PLCXD3: variants seen among roughly 807,000 people sequenced by gnomAD.
PLCXD3 encodes the protein PI-PLC X domain-containing protein 3.
Under a neutral mutation model 25.5 loss-of-function variants are expected in PLCXD3, and 19 were observed. The observed-to-expected ratio is 0.75, with a 90% confidence interval of 0.52 to 1.09. PLCXD3 has a LOEUF of 1.09. Ranked by LOEUF, PLCXD3 falls within the 50% of genes least tolerant of loss-of-function variation. The probability of loss-of-function intolerance (pLI) is 0.00; values close to 1 mark genes in which losing one functional copy is unlikely to be tolerated. For synonymous variants in PLCXD3, 174 were observed against 137.6 expected, an observed-to-expected ratio of 1.26 and a Z score of -1.85; for missense variants, 411 against 388.1, an observed-to-expected ratio of 1.06 and a Z score of -0.50.
At chr5:41,391,574 C>A (rs1270114361) in intron 1 of PLCXD3, among the ~76,000 whole-genome samples, 8 of 152,320 alleles carry the variant, frequency 5.3e-5, no homozygotes, top group East Asian at 3.9e-4. Context: ...GGTACTACAT[C>A]AAGGGCTTTG....
intron 2 of PLCXD3, among the ~76,000 whole-genome samples, chr5:41,344,937 A>T (rs1451118757): frequency 6.6e-6 from 1 of 152,164 alleles, no homozygotes; most frequent in African/African-American, 2.4e-5. Context: ...CTTCCTTCAT[A>T]CAACTCATAA....
intron 2 of PLCXD3, among the ~76,000 whole-genome samples, chr5:41,331,775 C>T (rs1315515328): frequency 6.6e-6 from 1 of 152,080 alleles, no homozygotes; most frequent in Non-Finnish European, 1.5e-5. Flanking sequence ...ACAGAGTCCT[C>T]AGAAATAATG....
intron 2 of PLCXD3, among the ~76,000 whole-genome samples, chr5:41,346,532 T>C (rs1744306759): frequency 6.6e-6 from 1 of 152,124 alleles, no homozygotes. Flanking sequence ...TCTTTCGCCT[T>C]TACTGTCTCT....
intron 1 of PLCXD3, among the ~76,000 whole-genome samples, chr5:41,483,916 C>T (rs1352738979): frequency 1.3e-5 from 2 of 151,982 alleles, no homozygotes; most frequent in Admixed American, 6.6e-5. Flanking sequence ...AATTAAATGG[C>T]CTAATTTTAC....
chr5:41,492,182 C>T (rs2150525975), intron 1 of PLCXD3, among the ~76,000 whole-genome samples: 1 of 152,202 alleles, frequency 6.6e-6, no homozygotes, highest in South Asian at 2.1e-4. Context: ...TTTATTTCTC[C>T]TTCACTTATG....
At chr5:41,449,443 G>T (rs1396509047) in intron 1 of PLCXD3, among the ~76,000 whole-genome samples, 1 of 152,100 alleles carries the variant, frequency 6.6e-6, no homozygotes, top group Non-Finnish European at 1.5e-5. Context: ...TGACACCATA[G>T]ATTTTCACAT....
chr5:41,390,013 C>T (rs1263851711), intron 1 of PLCXD3, among the ~76,000 whole-genome samples: 1 of 152,064 alleles, frequency 6.6e-6, no homozygotes, highest in Admixed American at 6.6e-5. Flanking sequence ...TCCTCCTATC[C>T]ACCCCAAGAT....
At chr5:41,413,773 A>G (rs557678780) in intron 1 of PLCXD3, among the ~76,000 whole-genome samples, 7 of 152,204 alleles carry the variant, frequency 4.6e-5, no homozygotes, top group Non-Finnish European at 1.0e-4. Flanking sequence ...TCTCAGTACA[A>G]TAAAAATCAC....
chr5:41,381,738 G>A (rs974988797), intron 2 of PLCXD3, 88 bp downstream of exon 2: 2 of 1,240,970 alleles, frequency 1.6e-6, no homozygotes, highest in Non-Finnish European at 1.1e-6. Flanking sequence ...AATATACATA[G>A]GTATAATTTC....
chr5:41,491,585 C>T (rs1474360007), intron 1 of PLCXD3, among the ~76,000 whole-genome samples: 1 of 152,114 alleles, frequency 6.6e-6, no homozygotes, highest in Admixed American at 6.5e-5. Context: ...CTTTGTAGGT[C>T]TGTAAGGACT....
chr5:41,488,395 G>T (rs1444545067), intron 1 of PLCXD3, among the ~76,000 whole-genome samples: 65 of 125,754 alleles, frequency 5.2e-4, no homozygotes, highest in Admixed American at 7.3e-4. Context: ...ACATACGTGT[G>T]CATGTGTCTT....
intron 1 of PLCXD3, among the ~76,000 whole-genome samples, chr5:41,508,372 A>G (rs1246726725): frequency 1.3e-5 from 2 of 152,242 alleles, no homozygotes; most frequent in Non-Finnish European, 2.9e-5. Context: ...GATACAAATC[A>G]CAAAGCCTTT....
At chr5:41,462,872 T>C (rs1214346708) in intron 1 of PLCXD3, among the ~76,000 whole-genome samples, 1 of 152,050 alleles carries the variant, frequency 6.6e-6, no homozygotes, top group African/African-American at 2.4e-5. Flanking sequence ...CCATTTTCTT[T>C]GTCTTGGCCA....
chr5:41,432,413 G>A (rs554805845), intron 1 of PLCXD3, among the ~76,000 whole-genome samples: 2 of 152,254 alleles, frequency 1.3e-5, no homozygotes, highest in East Asian at 3.9e-4. Context: ...TTATTCAGCA[G>A]ATAAAGGAAA....
In PLCXD3 at chr5:41,320,697, T is replaced by C. The variant is rs184315496; in HGVS notation, c.813-6927A>G. Among the ~76,000 whole-genome samples, 373 of 152,170 alleles carry C rather than the reference T, an allele frequency of 2.5e-3. 2 individuals are homozygous for C. Among genetic ancestry groups the C allele is most frequent in the African/African-American group, 7.9e-3 (330 of 41,538 alleles). On this transcript the variant is annotated intron_variant, in intron 2 of 2. Transcript: ENST00000377801. ...ATTTTTAGTAGAGACAGGTTTTCAC[T>C]GTGTTAGCCAGGATGGTCTCGATCT...
At chr5:41,386,341 G>T (rs1230384165) in intron 1 of PLCXD3, among the ~76,000 whole-genome samples, 1 of 151,988 alleles carries the variant, frequency 6.6e-6, no homozygotes, top group Non-Finnish European at 1.5e-5. Flanking sequence ...TAACCAAATG[G>T]CACATAGCAT....
Position 41,318,170 on chromosome 5 carries a change from G to A in PLCXD3, c.813-4400C>T, listed in dbSNP as rs574991567. Among the ~76,000 whole-genome samples, 5 of 152,084 alleles carry A rather than the reference G, an allele frequency of 3.3e-5. No homozygotes were observed. The East Asian group carries it at 5.8e-4, about 18-fold the overall frequency. On this transcript the variant is annotated intron_variant, in intron 2 of 2. Coordinates refer to ENST00000377801, the MANE Select transcript of PLCXD3 (RefSeq NM_001005473.3). ...GAGGGATTTCATCAATCCCAGACCC[G>A]CCCCACAAGAAATGTTAAAGGGAGT...
At chr5:41,346,222 C>T (rs1005917744) in intron 2 of PLCXD3, among the ~76,000 whole-genome samples, 3 of 152,240 alleles carry the variant, frequency 2.0e-5, no homozygotes, top group African/African-American at 7.2e-5. Context: ...CCAGAAAGTA[C>T]AGAGAGTGCT....
chr5:41,403,840 T>A (rs996625606), intron 1 of PLCXD3, among the ~76,000 whole-genome samples: 7 of 150,918 alleles, frequency 4.6e-5, no homozygotes, highest in Non-Finnish European at 1.0e-4. Context: ...GTCTTTGCTA[T>A]TGTGAATAGT....
Sources: allele counts gnomAD v4.1 joint callset (sites outside exome capture counted in the v4.1 genomes callset), GRCh38; gene constraint gnomAD v4.1.1; transcripts MANE v1.5; gene names NCBI Gene and HGNC (gene_info 2026-07-23, HGNC 2026-07-21).